Variants in VPS13A observed in about 807,000 individuals in gnomAD.
VPS13A encodes intermembrane lipid transfer protein VPS13A.
In VPS13A, 264 loss-of-function variants were observed where a neutral mutation model predicts 390.9. The observed-to-expected ratio is 0.68, with a 90% CI of 0.61 to 0.75. The LOEUF is 0.75. Ranked by LOEUF, VPS13A falls within the 30% of genes least tolerant of loss-of-function variation. The probability of loss-of-function intolerance (pLI) is 0.00; values close to 1 mark genes in which losing one functional copy is unlikely to be tolerated. For missense variants in VPS13A, 3,409 were observed against 3,733.9 expected, an observed-to-expected ratio of 0.91 and a Z score of 2.27; for synonymous variants, 1,231 against 1,227.1, an observed-to-expected ratio of 1.00 and a Z score of -0.07.
intron 35 of VPS13A, among the ~76,000 whole-genome samples, chr9:77,312,308 A>C (rs1046199239): frequency 2.3e-4 from 35 of 152,196 alleles, no homozygotes; most frequent in Non-Finnish European, 4.4e-5. Context: ...GTACATTAGC[A>C]CTTTTATAAA....
chr9:77,244,176 T>C (rs1044887024), intron 19 of VPS13A, among the ~76,000 whole-genome samples: 1 of 152,184 alleles, frequency 6.6e-6, no homozygotes, highest in Non-Finnish European at 1.5e-5. Context: ...AGGTCAGGGC[T>C]GCAGTGAGCT....
At chr9:77,391,281 C>T (rs1833885970) in intron 68 of VPS13A, among the ~76,000 whole-genome samples, 1 of 152,154 alleles carries the variant, frequency 6.6e-6, no homozygotes, top group Non-Finnish European at 1.5e-5. Flanking sequence ...TGTGTACGTG[C>T]ATGCTGTAAC....
intron 59 of VPS13A, among the ~76,000 whole-genome samples, chr9:77,361,655 T>G (rs1832145467): frequency 6.6e-6 from 1 of 151,992 alleles, no homozygotes; most frequent in African/African-American, 2.4e-5. Context: ...CCAAAAGAAA[T>G]AAAATTTTAT....
intron 69 of VPS13A, among the ~76,000 whole-genome samples, chr9:77,405,418 C>T (rs565420467): frequency 9.2e-5 from 14 of 152,184 alleles, no homozygotes; most frequent in East Asian, 5.8e-4. Flanking sequence ...TAAATGTACC[C>T]TGTTTCTTAT....
chr9:77,217,421 A>T (rs963934266), intron 10 of VPS13A, among the ~76,000 whole-genome samples: 1 of 152,120 alleles, frequency 6.6e-6, no homozygotes, highest in Non-Finnish European at 1.5e-5. Context: ...AATAATGTAC[A>T]TTGTCCCCAT....
In VPS13A at chr9:77,308,022, T is replaced by C. The variant is rs766089683; in HGVS notation, c.4038T>C (p.Ser1346=). ...HGNIWYEKDG[S]ASPAVTKDQY... ...ATATATGGTATGAAAAAGATGGTAG[T>C]GCCTCACCTGCTGTAACAAAAGACC... The change falls in exon 35 of 72, where the codon AGT becomes AGC. Residue 1346 remains serine (S), a synonymous_variant. Coordinates refer to ENST00000360280, the MANE Select transcript of VPS13A (RefSeq NM_033305.3). 6.2e-7 allele frequency: 1 copy of C among 1,612,966 alleles called. No individual in the cohort carries two copies. Among genetic ancestry groups the C allele is most frequent in the Admixed American group, 1.7e-5 (1 of 60,014 alleles).
chr9:77,367,730 T>C (rs1204851971), intron 61 of VPS13A, among the ~76,000 whole-genome samples: 6 of 152,202 alleles, frequency 3.9e-5, no homozygotes, highest in Non-Finnish European at 8.8e-5. Context: ...TGGGCCATGA[T>C]AGGACAGAAT....
Position 77,366,785 on chromosome 9 carries a change from A to C in VPS13A, c.8384A>C (p.Asn2795Thr). ...GAAGAAGCTAAAGATTCAAAACAAA[A>C]TGGAGGACTGATTCCAGTTCATTCT... ...GREEAKDSKQ[N>T]GGLIPVHSLN... The change falls in exon 61 of 72, where the codon AAT (asparagine) becomes ACT (threonine). Residue 2795 changes from asparagine (N) to threonine (T), a missense_variant. Around this residue, in one of 5 missense-constraint regions of VPS13A, gnomAD observed 123 missense variants for 118.7 expected, o/e 1.04. Coordinates refer to ENST00000360280, the MANE Select transcript of VPS13A (RefSeq NM_033305.3). The C allele has an allele frequency of 6.2e-7, 1 of 1,613,374 alleles. No homozygotes were observed. Among genetic ancestry groups the C allele is most frequent in the Non-Finnish European group, 8.5e-7 (1 of 1,179,536 alleles).
intron 67 of VPS13A, among the ~76,000 whole-genome samples, chr9:77,375,655 T>C (rs1180482896): frequency 6.6e-6 from 1 of 152,196 alleles, no homozygotes; most frequent in Non-Finnish European, 1.5e-5. Flanking sequence ...ACTTTTCAAA[T>C]GTACAACAAA....
Position 77,321,683 on chromosome 9 carries a change from A to G in VPS13A, c.5767A>G (p.Lys1923Glu). The stretch of plus-strand genomic sequence containing the variant: ...TTTAAGTATGGATTATATCCGAACC[A>G]AGGACAATGATCATTTCAATGCAAT... ...ESLSMDYIRTKDNDHFNAMTS... is the reference protein window; with the variant it reads ...ESLSMDYIRTEDNDHFNAMTS... Residue 1923 changes from lysine to glutamate, a missense_variant, in exon 44 of 72, where the codon AAG becomes GAG. By Grantham distance (56) the Lys-to-Glu change is moderately conservative. This residue lies in a region of VPS13A where 2,717 missense variants were observed against 2,917.4 expected (regional missense o/e 0.93). Transcript: ENST00000360280. 1 of 1,613,350 alleles carries G rather than the reference A, an allele frequency of 6.2e-7. No homozygotes were observed.
At chr9:77,191,545 C>A (rs1271523527) in intron 1 of VPS13A, among the ~76,000 whole-genome samples, 3 of 152,062 alleles carry the variant, frequency 2.0e-5, no homozygotes, top group Non-Finnish European at 4.4e-5. Context: ...GTGATCCCCC[C>A]ACCTAAGCCT....
intron 59 of VPS13A, among the ~76,000 whole-genome samples, chr9:77,361,194 A>G (rs1832119570): frequency 6.6e-6 from 1 of 152,136 alleles, no homozygotes; most frequent in Admixed American, 6.5e-5. Context: ...TAATGTATTC[A>G]CAAAGTTGTA....
intron 33 of VPS13A, among the ~76,000 whole-genome samples, chr9:77,301,797 C>A (rs1310034116): frequency 6.6e-6 from 1 of 152,072 alleles, no homozygotes; most frequent in Non-Finnish European, 1.5e-5. Context: ...TGTATGTATT[C>A]AGCTATTTTA....
chr9:77,302,912 T>C lies in VPS13A; in HGVS notation c.3813-3T>C, dbSNP rs1391918358. The C allele has an allele frequency of 1.2e-6, 2 of 1,611,914 alleles. No individual in the cohort carries two copies. The highest frequency in any genetic ancestry group is 1.3e-5 in the African/African-American group (1 of 75,018). On this transcript the variant is annotated splice_region_variant and splice_polypyrimidine_tract_variant and intron_variant, in intron 33 of 71. Transcript: ENST00000360280. ...TTTAAAAGAATGTTATCTCTACTTA[T>C]AGATCTCGATTTATTAATGATGCAT...
chr9:77,367,432 G>A (rs1003370368), intron 61 of VPS13A, among the ~76,000 whole-genome samples: 8 of 152,118 alleles, frequency 5.3e-5, no homozygotes, highest in African/African-American at 1.4e-4. Flanking sequence ...AAGAACAGTC[G>A]TAAGAATCAA....
intron 23 of VPS13A, among the ~76,000 whole-genome samples, chr9:77,261,585 A>AG (rs1376715026): frequency 1.3e-5 from 2 of 151,768 alleles, no homozygotes; most frequent in Admixed American, 6.6e-5. Flanking sequence ...CCAAAAAAAA[A>AG]AAAATTTTTT....
chr9:77,306,392 G>A (rs955211588), intron 34 of VPS13A, among the ~76,000 whole-genome samples: 1 of 136,974 alleles, frequency 7.3e-6, no homozygotes, highest in Non-Finnish European at 1.5e-5. Context: ...TCCAGAGAGA[G>A]AGAGAGAGAG....
intron 1 of VPS13A, among the ~76,000 whole-genome samples, chr9:77,180,008 G>A (rs1823911613): frequency 6.6e-6 from 1 of 152,044 alleles, no homozygotes; most frequent in South Asian, 2.1e-4. Context: ...GTATTTTCAA[G>A]GTTCCTCCAT....
At chr9:77,305,448 ATAT>A (rs74478541) in intron 34 of VPS13A, 15,572 of 152,706 alleles carry the variant, frequency 0.1, 815 homozygotes, top group Middle Eastern at 0.12. Flanking sequence ...TAAAACATAA[ATAT>A]TATGTTCCAC....
Sources: allele counts gnomAD v4.1 joint callset (sites outside exome capture counted in the v4.1 genomes callset), GRCh38; gene constraint gnomAD v4.1.1; regional missense constraint gnomAD v4.1.1; transcripts MANE v1.5; gene names NCBI Gene and HGNC (gene_info 2026-07-23, HGNC 2026-07-21).